The following SDC3 variants were observed in gnomAD, a reference collection of about 807,000 sequenced individuals.
SDC3 encodes the protein syndecan-3.
A neutral mutation model predicts 24.4 loss-of-function variants in SDC3; 13 were observed. That is an observed-to-expected ratio of 0.53 (90% CI 0.35 to 0.85). The LOEUF (loss-of-function observed/expected upper bound fraction) is 0.85, where lower values mean the gene tolerates loss of function less well. Ranked by LOEUF, SDC3 falls within the 40% of genes least tolerant of loss-of-function variation. The probability of loss-of-function intolerance (pLI) is 0.01; values close to 1 mark genes in which losing one functional copy is unlikely to be tolerated. For synonymous variants in SDC3, 295 were observed against 260.9 expected, an observed-to-expected ratio of 1.13 and a Z score of -1.26; for missense variants, 571 against 584.5, an observed-to-expected ratio of 0.98 and a Z score of 0.24.
intron 3 of SDC3, among the ~76,000 whole-genome samples, chr1:30,875,176 G>A (rs1639615768): frequency 6.6e-6 from 1 of 152,210 alleles, no homozygotes. Context: ...AGCTGGGAAT[G>A]ATGAGACCAA....
chr1:30,875,604 C>T (rs545697374), intron 3 of SDC3, among the ~76,000 whole-genome samples: 2 of 152,306 alleles, frequency 1.3e-5, no homozygotes, highest in Admixed American at 1.3e-4. Flanking sequence ...GTGCACCCAG[C>T]TGGGACCAGA....
intron 1 of SDC3, among the ~76,000 whole-genome samples, chr1:30,905,139 T>C (rs969731670): frequency 1.3e-5 from 2 of 151,916 alleles, no homozygotes; most frequent in African/African-American, 4.8e-5. Flanking sequence ...CCCCCAACTT[T>C]CCATTTTTTT....
At chr1:30,899,957 G>A (rs1638380298) in intron 1 of SDC3, among the ~76,000 whole-genome samples, 2 of 152,230 alleles carry the variant, frequency 1.3e-5, no homozygotes, top group African/African-American at 2.4e-5. Context: ...GCCCATGCAG[G>A]AGCCCACACG....
At chr1:30,897,288 C>T (rs1638294179) in intron 1 of SDC3, among the ~76,000 whole-genome samples, 1 of 152,124 alleles carries the variant, frequency 6.6e-6, no homozygotes, top group African/African-American at 2.4e-5. Flanking sequence ...CTCAACTTCC[C>T]CAAATGTCAT....
At chr1:30,898,182 C>A (rs995119535) in intron 1 of SDC3, among the ~76,000 whole-genome samples, 1 of 152,200 alleles carries the variant, frequency 6.6e-6, no homozygotes, top group South Asian at 2.1e-4. Context: ...CAGCAGTGAC[C>A]CCTCGCCGCC....
chr1:30,878,584 T>C (rs757093514), intron 2 of SDC3, 39 bp downstream of exon 2: 10 of 1,531,654 alleles, frequency 6.5e-6, no homozygotes, highest in Middle Eastern at 1.7e-4. Context: ...TACAGACTGG[T>C]CACTGCCCCC....
intron 1 of SDC3, among the ~76,000 whole-genome samples, chr1:30,894,907 G>A (rs548396625): frequency 1.4e-4 from 21 of 152,130 alleles, no homozygotes; most frequent in Non-Finnish European, 2.5e-4. Flanking sequence ...GTGGAGGGCT[G>A]TGTCTCTGAG....
intron 1 of SDC3, among the ~76,000 whole-genome samples, chr1:30,897,282 A>G (rs1441862196): frequency 1.3e-5 from 2 of 152,218 alleles, no homozygotes; most frequent in African/African-American, 4.8e-5. Flanking sequence ...CTGATCCTCA[A>G]CTTCCCCAAA....
At chr1:30,903,105 C>T (rs1439996803) in intron 1 of SDC3, among the ~76,000 whole-genome samples, 1 of 152,202 alleles carries the variant, frequency 6.6e-6, no homozygotes, top group Non-Finnish European at 1.5e-5. Flanking sequence ...GGGACCCCCA[C>T]CAAGTCACAC....
intron 1 of SDC3, among the ~76,000 whole-genome samples, chr1:30,885,704 T>G (rs575098120): frequency 6.6e-6 from 1 of 152,306 alleles, no homozygotes; most frequent in South Asian, 2.1e-4. Flanking sequence ...TGGCAGGACC[T>G]GGCTCCCTCC....
At chr1:30,884,323 C>T (rs79690362) in intron 1 of SDC3, among the ~76,000 whole-genome samples, 3,263 of 152,078 alleles carry the variant, frequency 0.021, 114 homozygotes, top group African/African-American at 0.072. Flanking sequence ...CCCTCCCACT[C>T]GCCCCAACTC....
chr1:30,909,033 G>T (rs1638598404), upstream of SDC3, among the ~76,000 whole-genome samples: 1 of 152,106 alleles, frequency 6.6e-6, no homozygotes, highest in African/African-American at 2.4e-5. Context: ...CGGCCGCCGT[G>T]CTAGGTAGAA....
In SDC3 at chr1:30,874,427, T is replaced by G; in HGVS notation, c.1032A>C (p.Ser344=). 6.2e-7 allele frequency: 1 copy of G among 1,614,192 alleles called. No homozygotes were observed. The highest frequency in any genetic ancestry group is 8.5e-7 in the Non-Finnish European group (1 of 1,180,020). ...CCTTGGGCAGTGTCCCAGGTGGAGATGATGCCTTGGCCGCAGCCCCTCCCA... is the reference window on the plus strand; with the variant it reads ...CCTTGGGCAGTGTCCCAGGTGGAGAGGATGCCTTGGCCGCAGCCCCTCCCA... ...VAVGGAAAKA[S]SPPGTLPKGA... The change falls in exon 4 of 5, where the codon TCA becomes TCC. Residue 344 remains serine, a synonymous_variant. Coordinates refer to ENST00000339394, the MANE Select transcript of SDC3 (RefSeq NM_014654.4).
intron 1 of SDC3, among the ~76,000 whole-genome samples, chr1:30,903,991 G>A (rs939273609): frequency 3.9e-5 from 6 of 152,134 alleles, no homozygotes; most frequent in African/African-American, 1.4e-4. Context: ...TGCGGGGGCC[G>A]AGGTGGGAAG....
chr1:30,882,506 G>T (rs547439674), intron 1 of SDC3, among the ~76,000 whole-genome samples: 15 of 152,274 alleles, frequency 9.9e-5, no homozygotes, highest in African/African-American at 3.4e-4. Flanking sequence ...AGGCTCCCCT[G>T]GGCCAGGGGC....
At chr1:30,891,288 G>C (rs1007593734) in intron 1 of SDC3, among the ~76,000 whole-genome samples, 1 of 152,184 alleles carries the variant, frequency 6.6e-6, no homozygotes, top group African/African-American at 2.4e-5. Context: ...GCCTCTTCAG[G>C]CCCCACCCTT....
intron 1 of SDC3, among the ~76,000 whole-genome samples, chr1:30,882,729 C>A (rs906395605): frequency 1.3e-5 from 2 of 152,168 alleles, no homozygotes; most frequent in African/African-American, 2.4e-5. Flanking sequence ...TCTCTCAGAG[C>A]CCACTCCAGA....
At chr1:30,885,163 G>A (rs1332664138) in intron 1 of SDC3, among the ~76,000 whole-genome samples, 1 of 152,184 alleles carries the variant, frequency 6.6e-6, no homozygotes, top group African/African-American at 2.4e-5. Context: ...GTAAAACAAA[G>A]ATAAGAATGC....
intron 1 of SDC3, among the ~76,000 whole-genome samples, chr1:30,888,651 G>A (rs925905295): frequency 3.0e-4 from 46 of 152,160 alleles, no homozygotes; most frequent in Admixed American, 6.5e-4. Context: ...CTGAGGAGGC[G>A]GGCTGTGGTT....
Sources: allele counts gnomAD v4.1 joint callset (sites outside exome capture counted in the v4.1 genomes callset), GRCh38; gene constraint gnomAD v4.1.1; transcripts MANE v1.5; gene names NCBI Gene and HGNC (gene_info 2026-07-23, HGNC 2026-07-21).